The following PEX10 variants were observed in gnomAD, a reference collection of about 807,000 sequenced individuals.
PEX10 encodes peroxisome biogenesis factor 10.
PEX10 carries 32 observed loss-of-function variants against 38.0 expected under a neutral mutation model. That is an observed-to-expected ratio of 0.84 (90% CI 0.63 to 1.13). The LOEUF is 1.13. Ranked by LOEUF, PEX10 falls within the 50% of genes most tolerant of loss-of-function variation. The pLI, the probability that PEX10 is intolerant of heterozygous loss-of-function variation, is 0.00. For missense variants in PEX10, 483 were observed against 457.7 expected, an observed-to-expected ratio of 1.06 and a Z score of -0.51; for synonymous variants, 206 against 207.3, an observed-to-expected ratio of 0.99 and a Z score of 0.05.
At chr1:2,406,230 G>T (rs1045514258) in intron 5 of PEX10, among the ~76,000 whole-genome samples, 1 of 152,196 alleles carries the variant, frequency 6.6e-6, no homozygotes, top group African/African-American at 2.4e-5. Flanking sequence ...CGTGGTGCAA[G>T]CGTGGGGCCT....
rs902887005 is a variant in PEX10 at position 2,405,892 on chromosome 1, C to G, written c.913-58G>C. The G allele has an allele frequency of 3.0e-6, 4 of 1,343,516 alleles. No homozygotes were observed. In the African/African-American group the frequency reaches 4.3e-5, roughly 15 times the overall value. 83.2% of individuals were successfully genotyped at this position (1,343,516 alleles called of 1,614,324 possible). On this transcript the variant is annotated intron_variant, in intron 5 of 5. Transcript: ENST00000447513. ...GGGGCCACTGGGCCATGCCCATCCCCATCGGCATTTCTTTTCCTGTCCACA... is the reference window on the plus strand; with the variant it reads ...GGGGCCACTGGGCCATGCCCATCCCGATCGGCATTTCTTTTCCTGTCCACA...
Position 2,410,481 on chromosome 1 carries a change from G to A in PEX10, c.113-30C>T, listed in dbSNP as rs777809806. 5.0e-6 allele frequency: 8 copies of A among 1,600,418 alleles called. No homozygotes were observed. The African/African-American group carries it at 5.3e-5, about 11-fold the overall frequency. ...GAGGAGAAACAGTATTAGTCCGGGGGAGCTGGTGGGCATCCTCTGAGGATG... is the reference window on the plus strand; with the variant it reads ...GAGGAGAAACAGTATTAGTCCGGGGAAGCTGGTGGGCATCCTCTGAGGATG... On this transcript the variant is annotated intron_variant, in intron 1 of 5. Transcript: ENST00000447513. This position sits in a 1 kb window ranked among gnomAD's most constrained non-coding sequence, Gnocchi z 5.1.
intron 3 of PEX10, among the ~76,000 whole-genome samples, chr1:2,407,872 ATGG>A (rs1266609626): frequency 1.3e-5 from 2 of 152,156 alleles, no homozygotes; most frequent in Non-Finnish European, 2.9e-5. Context: ...GCAGGTGGAC[ATGG>A]TGGTGGGACC....
upstream of PEX10, chr1:2,413,811 T>G (rs1267000357): frequency 6.6e-6 from 1 of 152,328 alleles, no homozygotes; most frequent in East Asian, 1.9e-4. Context: ...ATCCCCAGAC[T>G]GGCACAGCCC....
rs1051719167 is a variant in PEX10, at chr1:2,409,336, C to G, written c.194-478G>C. On this transcript the variant is annotated intron_variant, in intron 2 of 5. Transcript: ENST00000447513. The surrounding 1 kb of genome is among the most constrained non-coding windows in gnomAD (Gnocchi z 6.2). ...ATCGCCATGTATGCTCAGATGAGCACCCCAATTCCACCCCTGCCGAGACAG... is the reference window on the plus strand; with the variant it reads ...ATCGCCATGTATGCTCAGATGAGCAGCCCAATTCCACCCCTGCCGAGACAG... Among the ~76,000 whole-genome samples, 2 of 152,148 alleles carry G rather than the reference C, an allele frequency of 1.3e-5. No homozygotes were observed. Among genetic ancestry groups the G allele is most frequent in the Admixed American group, 6.5e-5 (1 of 15,278 alleles).
At chr1:2,411,374 A>G (rs572193108) in intron 1 of PEX10, among the ~76,000 whole-genome samples, 1 of 151,080 alleles carries the variant, frequency 6.6e-6, no homozygotes, top group Non-Finnish European at 1.5e-5. Context: ...CTGGGATTAC[A>G]CGCACGCGCC....
rs144440263 is a variant in PEX10 at position 2,406,580 on chromosome 1, C to T, written c.816G>A (p.Leu272=). 2 of 1,613,414 alleles carry T rather than the reference C, an allele frequency of 1.2e-6. No individual in the cohort carries two copies. The highest frequency in any genetic ancestry group is 3.3e-5 in the Admixed American group (2 of 60,024). The part of the protein sequence containing the change: ...LEERAVSRNP[L]CTLCLEERRH... ...TGCGCTCCTCCAGGCACAGGGTGCA[C>T]AGGGGGTTTCTGGAAACGGCTCTCT... is the stretch of plus-strand genomic sequence containing the variant. Residue 272 remains leucine, a synonymous_variant, in exon 5 of 6, where the codon CTG becomes CTA. Transcript: ENST00000447513.
At position 2,410,608 on chromosome 1, in the gene PEX10, C is replaced by T. The variant is rs529280069; in HGVS notation, c.113-157G>A. 98 of 691,232 alleles carry T rather than the reference C, an allele frequency of 1.4e-4. 1 individual carries two copies. The highest frequency in any genetic ancestry group is 8.8e-4 in the Admixed American group (43 of 48,794). The allele number at this position is 691,232 out of a possible 1,614,324, so 42.8% of individuals were successfully genotyped here. A position where few individuals can be genotyped will look rare whatever the true frequency, so the allele number is the denominator to read the frequency against. On this transcript the variant is annotated intron_variant, in intron 1 of 5. Transcript: ENST00000447513. This position sits in a 1 kb window ranked among gnomAD's most constrained non-coding sequence, Gnocchi z 5.1. ...TGGCCTCCCTCTCTGCTTCTGTCTC[C>T]GGAGGCACCACCTTGACTTGCCTTA...
At position 2,410,625 on chromosome 1, in the gene PEX10, C is replaced by T; in HGVS notation, c.113-174G>A. The T allele has an allele frequency of 1.5e-6, 1 of 665,792 alleles. No homozygotes were observed. The highest frequency in any genetic ancestry group is 1.6e-5 in the South Asian group (1 of 64,218). 41.2% of individuals were successfully genotyped at this position (665,792 alleles called of 1,614,324 possible). A position where few individuals can be genotyped will look rare whatever the true frequency, so the allele number is the denominator to read the frequency against. On this transcript the variant is annotated intron_variant, in intron 1 of 5. Coordinates refer to ENST00000447513, the MANE Select transcript of PEX10 (RefSeq NM_002617.4). The surrounding 1 kb of genome is among the most constrained non-coding windows in gnomAD (Gnocchi z 5.1). The stretch of plus-strand genomic sequence containing the variant: ...TCTGTCTCCGGAGGCACCACCTTGA[C>T]TTGCCTTAGCGTGAGCTGCAGACAG...
rs925501959 is a variant in PEX10 at position 2,405,534 on chromosome 1, AC to A, written c.*231del. ...ATTCCTGAAGAAGTGGCTGAGTCCT[AC>A]CAGGTTGGGGTTAGGGAAATGTTCT... On this transcript the variant is annotated 3_prime_UTR_variant, in exon 6 of 6. Transcript: ENST00000447513. The A allele has an allele frequency of 1.7e-5, 11 of 645,042 alleles. No homozygotes were observed. The highest frequency in any genetic ancestry group is 5.7e-6 in the Non-Finnish European group (2 of 353,970). The allele number at this position is 645,042 out of a possible 1,614,324, so 40.0% of individuals were successfully genotyped here.
chr1:2,405,728 T>G lies in PEX10; in HGVS notation c.*38A>C, dbSNP rs775842120. 1 of 1,546,888 alleles carries G rather than the reference T, an allele frequency of 6.5e-7. No individual in the cohort carries two copies. Among genetic ancestry groups the G allele is most frequent in the Admixed American group, 1.8e-5 (1 of 54,594 alleles). ...CTAAATCTTGGCGTTCAGACTCCCG[T>G]AGAGGTCATCTGTGTCCAGGCCCAC... On this transcript the variant is annotated 3_prime_UTR_variant, in exon 6 of 6. Transcript: ENST00000447513.
At position 2,405,704 on chromosome 1, in the gene PEX10, T is replaced by A; in HGVS notation, c.*62A>T. 1 of 1,407,172 alleles carries A rather than the reference T, an allele frequency of 7.1e-7. No individual in the cohort carries two copies. The highest frequency in any genetic ancestry group is 9.9e-7 in the Non-Finnish European group (1 of 1,014,616). The allele number at this position is 1,407,172 out of a possible 1,614,324, so 87.2% of individuals were successfully genotyped here. A position where few individuals can be genotyped will look rare whatever the true frequency, so the allele number is the denominator to read the frequency against. On this transcript the variant is annotated 3_prime_UTR_variant, in exon 6 of 6. Transcript: ENST00000447513. ...GTGCAAGCAAGGTTAATCCTGAGACTAAATCTTGGCGTTCAGACTCCCGTA... is the reference window on the plus strand; with the variant it reads ...GTGCAAGCAAGGTTAATCCTGAGACAAAATCTTGGCGTTCAGACTCCCGTA...
In PEX10 at chr1:2,410,719, C is replaced by T. The variant is rs931710574; in HGVS notation, c.113-268G>A. Reference sequence around the variant, plus strand: ...TTCCCCTGAGCAACTGTTCTAGGGCCTATGAGGGCCACATGGAAAGATGGT... The same window carrying T: ...TTCCCCTGAGCAACTGTTCTAGGGCTTATGAGGGCCACATGGAAAGATGGT... On this transcript the variant is annotated intron_variant, in intron 1 of 5. Coordinates refer to ENST00000447513, the MANE Select transcript of PEX10 (RefSeq NM_002617.4). The surrounding 1 kb of genome is among the most constrained non-coding windows in gnomAD (Gnocchi z 5.1). 1.8e-6 allele frequency: 1 copy of T among 559,360 alleles called. No individual in the cohort carries two copies. Among genetic ancestry groups the T allele is most frequent in the Non-Finnish European group, 3.4e-6 (1 of 294,292 alleles). 34.6% of individuals were successfully genotyped at this position (559,360 alleles called of 1,614,324 possible).
chr1:2,407,947 A>G (rs2100426370), intron 3 of PEX10, among the ~76,000 whole-genome samples: 1 of 148,812 alleles, frequency 6.7e-6, no homozygotes, highest in East Asian at 2.1e-4. Context: ...CAGGATAGGC[A>G]GAGGTGCCAA....
chr1:2,406,651 G>A (rs1485100125), intron 4 of PEX10, 32 bp from the exon 5 acceptor site: 3 of 1,612,630 alleles, frequency 1.9e-6, no homozygotes, highest in South Asian at 1.1e-5. Flanking sequence ...GTCAAGGTGG[G>A]TGCACCTTAC....
chr1:2,411,054 G>A (rs1012383952), intron 1 of PEX10, among the ~76,000 whole-genome samples: 4 of 151,962 alleles, frequency 2.6e-5, no homozygotes, highest in African/African-American at 9.7e-5. Context: ...CTCCCGGCAC[G>A]GAGCCTGGCT....
rs11808033 is a variant in PEX10 at position 2,407,226 on chromosome 1, G to A, written c.601-331C>T. Among the ~76,000 whole-genome samples the A allele has an allele frequency of 3.6e-3, 549 of 152,304 alleles. 4 individuals carry two copies. The highest frequency in any genetic ancestry group is 0.012 in the African/African-American group (504 of 41,574). On this transcript the variant is annotated intron_variant, in intron 3 of 5. Coordinates refer to ENST00000447513, the MANE Select transcript of PEX10 (RefSeq NM_002617.4). ...CCTCTCAGAAAAGGAGGCGGGGAGC[G>A]GAAATGTGGGGCTGCAGACGCTGCC...
chr1:2,408,134 G>T (rs79338697), intron 3 of PEX10, among the ~76,000 whole-genome samples: 6,786 of 152,230 alleles, frequency 0.045, 258 homozygotes, highest in African/African-American at 0.099. Flanking sequence ...CAGGTTCAGG[G>T]ATCTGTGGTG....
chr1:2,408,326 A>C (rs1385966417), intron 3 of PEX10, 126 bp downstream of exon 3: 2 of 1,059,046 alleles, frequency 1.9e-6, no homozygotes, highest in South Asian at 2.6e-5. Flanking sequence ...CTGCCTTGAC[A>C]CAGATGCTGG....
Sources: allele counts gnomAD v4.1 joint callset (sites outside exome capture counted in the v4.1 genomes callset), GRCh38; gene constraint gnomAD v4.1.1; non-coding constraint Gnocchi (gnomAD v3.1); transcripts MANE v1.5; gene names NCBI Gene and HGNC (gene_info 2026-07-23, HGNC 2026-07-21).